EEPD1: variants seen among roughly 807,000 people sequenced by gnomAD.
EEPD1 encodes the protein endonuclease/exonuclease/phosphatase family domain-containing protein 1.
Under a neutral mutation model 46.3 loss-of-function variants are expected in EEPD1, and 17 were observed. The ratio of observed to expected loss-of-function variants is 0.37; its 90% CI spans 0.25 to 0.55. The LOEUF is 0.55. Among genes scored for constraint, EEPD1 ranks in the 20% least tolerant of loss-of-function variants. The probability of loss-of-function intolerance (pLI) is 0.83; values close to 1 mark genes in which losing one functional copy is unlikely to be tolerated. For synonymous variants in EEPD1, 313 were observed against 315.6 expected (o/e 0.99, Z 0.09); for missense variants, 673 against 745.6 (o/e 0.90, Z 1.13).
intron 2 of EEPD1, chr7:36,228,914 G>A (rs1045400648): frequency 6.6e-6 from 1 of 152,270 alleles, no homozygotes; most frequent in African/African-American, 2.4e-5. Flanking sequence ...CATGTGAGTA[G>A]AGAGTGGCCA....
chr7:36,299,142 C>T lies in EEPD1; in HGVS notation c.1646C>T (p.Ala549Val). 1.9e-6 allele frequency: 3 copies of T among 1,611,644 alleles called. No homozygotes were observed. Among genetic ancestry groups the T allele is most frequent in the Non-Finnish European group, 2.5e-6 (3 of 1,177,962 alleles). The change falls in exon 8 of 8, where the codon GCC (alanine) becomes GTC (valine). Residue 549 changes from alanine (A) to valine (V), a missense_variant. By Grantham distance (64) the Ala-to-Val change is moderately conservative (BLOSUM62 0). Coordinates refer to ENST00000242108, the MANE Select transcript of EEPD1 (RefSeq NM_030636.3). ...GAAAAGGACTGGAGCAAGAAGGATG[C>T]CCCTCGGAACGGCAGCGGGGTGGCC... ...YTEKDWSKKD[A>V]PRNGSGVALE...
chr7:36,242,506 G>A (rs1264891979), intron 3 of EEPD1, among the ~76,000 whole-genome samples: 2 of 152,122 alleles, frequency 1.3e-5, no homozygotes, highest in Admixed American at 1.3e-4. Context: ...AGTGTGCCAG[G>A]CAAGTGGCAA....
intron 2 of EEPD1, among the ~76,000 whole-genome samples, chr7:36,181,961 C>T (rs1181139179): frequency 2.6e-5 from 4 of 152,140 alleles, no homozygotes; most frequent in African/African-American, 7.2e-5. Context: ...TTTGCCATCC[C>T]GGTTCCCATC....
chr7:36,216,119 T>C (rs898302697), intron 2 of EEPD1, among the ~76,000 whole-genome samples: 1 of 152,216 alleles, frequency 6.6e-6, no homozygotes, highest in Non-Finnish European at 1.5e-5. Context: ...TTTGGGAATC[T>C]AAAAATCCTA....
Position 36,212,072 on chromosome 7 carries a change from C to T in EEPD1, c.879-26913C>T, listed in dbSNP as rs370889354. Among the ~76,000 whole-genome samples, 8 of 152,240 alleles carry T rather than the reference C, an allele frequency of 5.3e-5. No individual in the cohort carries two copies. In the East Asian group the frequency reaches 9.6e-4, roughly 18 times the overall value. On this transcript the variant is annotated intron_variant, in intron 2 of 7. Transcript: ENST00000242108. ...ACTTACATAAATCTAAAGGGAAGGTCATTTATATCTCAATAGAAAAATTAG... is the reference window on the plus strand; with the variant it reads ...ACTTACATAAATCTAAAGGGAAGGTTATTTATATCTCAATAGAAAAATTAG...
intron 3 of EEPD1, among the ~76,000 whole-genome samples, chr7:36,242,864 G>C (rs769077242): frequency 1.3e-5 from 2 of 151,840 alleles, no homozygotes; most frequent in African/African-American, 4.8e-5. Context: ...GGGAGGTGGA[G>C]GTTGCAGTGA....
chr7:36,207,433 C>T (rs557184081), intron 2 of EEPD1, among the ~76,000 whole-genome samples: 2 of 152,298 alleles, frequency 1.3e-5, no homozygotes, highest in South Asian at 4.1e-4. Context: ...GAACTTCTGA[C>T]CCTGGTATGT....
chr7:36,192,585 C>T (rs1785480237), intron 2 of EEPD1, among the ~76,000 whole-genome samples: 1 of 152,052 alleles, frequency 6.6e-6, no homozygotes. Flanking sequence ...AGTATTGTTA[C>T]AAAGTGAGCC....
At chr7:36,226,141 A>G (rs914272553) in intron 2 of EEPD1, among the ~76,000 whole-genome samples, 2 of 152,260 alleles carry the variant, frequency 1.3e-5, no homozygotes, top group South Asian at 2.1e-4. Flanking sequence ...TAAGCCTTAG[A>G]GTATTGCTAA....
rs548460040 is a variant in EEPD1 at position 36,193,002 on chromosome 7, C to T, written c.878+37800C>T. Among the ~76,000 whole-genome samples the T allele has an allele frequency of 4.6e-5, 7 of 152,246 alleles. No homozygotes were observed. The highest frequency in any genetic ancestry group is 1.3e-4 in the Admixed American group (2 of 15,296). The stretch of plus-strand genomic sequence containing the variant: ...TGGTCACTGGAGTGGGGATGCGCAG[C>T]GAGGGGCAGCTCAGGGCTGGACTCT... On this transcript the variant is annotated intron_variant, in intron 2 of 7. Coordinates refer to ENST00000242108, the MANE Select transcript of EEPD1 (RefSeq NM_030636.3). This position sits in a 1 kb window ranked among gnomAD's most constrained non-coding sequence, Gnocchi z 4.9.
chr7:36,222,106 T>C (rs1314307911), intron 2 of EEPD1, among the ~76,000 whole-genome samples: 3 of 152,102 alleles, frequency 2.0e-5, no homozygotes, highest in South Asian at 2.1e-4. Flanking sequence ...CCCTGCAAAA[T>C]TGAAAATTCA....
Position 36,154,676 on chromosome 7 carries a change from C to T in EEPD1, c.352C>T (p.Leu118=). The T allele has an allele frequency of 6.2e-7, 1 of 1,613,552 alleles. No homozygotes were observed. Among genetic ancestry groups the T allele is most frequent in the Non-Finnish European group, 8.5e-7 (1 of 1,179,956 alleles). ...CTCTCCCAGTTCCCTGCGGCGGGAC[C>T]TGCTAGCGGAGCAGCAGCCTCACCA... The part of the protein sequence containing the change: ...QHSPSSLRRD[L]LAEQQPHHLA... Residue 118 remains leucine (L), a synonymous_variant, in exon 2 of 8, where the codon CTG becomes TTG. Coordinates refer to ENST00000242108, the MANE Select transcript of EEPD1 (RefSeq NM_030636.3). This position sits in a 1 kb window ranked among gnomAD's most constrained non-coding sequence, Gnocchi z 4.2.
chr7:36,256,751 A>T (rs564700110), intron 3 of EEPD1, among the ~76,000 whole-genome samples: 1 of 152,058 alleles, frequency 6.6e-6, no homozygotes, highest in Admixed American at 6.6e-5. Context: ...AATACAGCAC[A>T]TTGATGGGTC....
chr7:36,235,713 A>G (rs1325673064), intron 2 of EEPD1, among the ~76,000 whole-genome samples: 1 of 152,240 alleles, frequency 6.6e-6, no homozygotes, highest in African/African-American at 2.4e-5. Flanking sequence ...GGCTTTAGCT[A>G]TTTGGGTGAC....
intron 2 of EEPD1, among the ~76,000 whole-genome samples, chr7:36,159,245 AT>A (rs1375669310): frequency 6.6e-6 from 1 of 152,208 alleles, no homozygotes; most frequent in Non-Finnish European, 1.5e-5. Context: ...GTCAATGTAG[AT>A]TAGTTTGTGT....
intron 2 of EEPD1, among the ~76,000 whole-genome samples, chr7:36,164,411 C>T (rs1263189936): frequency 6.6e-6 from 1 of 152,230 alleles, no homozygotes; most frequent in African/African-American, 2.4e-5. Flanking sequence ...CACAGCTGAT[C>T]AAGCCAAGTG....
At chr7:36,214,452 G>T (rs1301767191) in intron 2 of EEPD1, among the ~76,000 whole-genome samples, 1 of 152,168 alleles carries the variant, frequency 6.6e-6, no homozygotes, top group Non-Finnish European at 1.5e-5. Context: ...TCATCAACAG[G>T]TCTGGTCAGG....
At chr7:36,227,778 C>T (rs1267690259) in intron 2 of EEPD1, among the ~76,000 whole-genome samples, 3 of 152,172 alleles carry the variant, frequency 2.0e-5, no homozygotes, top group African/African-American at 7.2e-5. Context: ...AGCTTCGCCT[C>T]CCAGGTTCAA....
intron 2 of EEPD1, among the ~76,000 whole-genome samples, chr7:36,227,733 A>G (rs1306770186): frequency 6.6e-6 from 1 of 152,096 alleles, no homozygotes; most frequent in Non-Finnish European, 1.5e-5. Flanking sequence ...CTTGTTGCCC[A>G]GGCTGGAGTG....
Sources: gnomAD v4.1 joint callset for allele counts (sites outside exome capture counted in the v4.1 genomes callset) on GRCh38, gnomAD v4.1.1 for gene constraint, Gnocchi (gnomAD v3.1) non-coding constraint, MANE v1.5 for transcripts, NCBI Gene and HGNC (gene_info 2026-07-23, HGNC 2026-07-21) for gene names.